Variants in COTL1 observed in about 807,000 individuals in gnomAD.
COTL1 encodes coactosin like F-actin binding protein 1.
In COTL1, 15 loss-of-function variants were observed where a neutral mutation model predicts 16.5. The observed-to-expected ratio is 0.91, with a 90% CI of 0.61 to 1.40. The LOEUF (loss-of-function observed/expected upper bound fraction) is 1.40, where lower values mean the gene tolerates loss of function less well. Ranked by LOEUF, COTL1 falls within the 40% of genes most tolerant of loss-of-function variation. COTL1 has a pLI of 0.00. For missense variants in COTL1, 220 were observed against 201.5 expected (o/e 1.09, Z -0.56); for synonymous variants, 112 against 85.3 (o/e 1.31, Z -1.73).
intron 3 of COTL1, among the ~76,000 whole-genome samples, chr16:84,589,756 G>A (rs566976826): frequency 7.2e-5 from 11 of 152,150 alleles, no homozygotes; most frequent in Non-Finnish European, 5.9e-5. Context: ...GACCACCGCC[G>A]ACAGTCAGCC....
In COTL1 at chr16:84,566,656, A is replaced by G; in HGVS notation, c.*189T>C. Reference sequence around the variant, plus strand: ...AGAAAGAGGTTCCATGAGCGTCATGAGATAGGACACGGCAGGGTTCTAAGG... The same window carrying G: ...AGAAAGAGGTTCCATGAGCGTCATGGGATAGGACACGGCAGGGTTCTAAGG... On this transcript the variant is annotated 3_prime_UTR_variant, in exon 4 of 4. Coordinates refer to ENST00000262428, the MANE Select transcript of COTL1 (RefSeq NM_021149.5). The G allele has an allele frequency of 1.8e-6, 1 of 544,620 alleles. No individual in the cohort carries two copies. The highest frequency in any genetic ancestry group is 1.9e-5 in the African/African-American group (1 of 52,612). The allele number at this position is 544,620 out of a possible 1,614,324, so 33.7% of individuals were successfully genotyped here. A position where few individuals can be genotyped will look rare whatever the true frequency, so the allele number is the denominator to read the frequency against.
In COTL1 at chr16:84,588,409, A is replaced by G. The variant is rs527597133; in HGVS notation, c.318+1696T>C. Among the ~76,000 whole-genome samples the G allele has an allele frequency of 2.2e-3, 339 of 152,314 alleles. 3 individuals are homozygous for G. Among genetic ancestry groups the G allele is most frequent in the African/African-American group, 7.6e-3 (316 of 41,560 alleles). On this transcript the variant is annotated intron_variant, in intron 3 of 3. Transcript: ENST00000262428. The stretch of plus-strand genomic sequence containing the variant: ...GAAAACGTCAACATTGGTACATTAC[A>G]ATTAATTAAACTCCCGACTTTATTT...
intron 2 of COTL1, among the ~76,000 whole-genome samples, chr16:84,602,395 CT>C (rs903663134): frequency 7.0e-5 from 10 of 142,938 alleles, no homozygotes; most frequent in Admixed American, 6.3e-4. Context: ...TCTCAAAAAA[CT>C]TTTTTTCTTT....
chr16:84,599,408 C>CA (rs1229296879), intron 2 of COTL1, among the ~76,000 whole-genome samples: 1 of 152,232 alleles, frequency 6.6e-6, no homozygotes, highest in East Asian at 1.9e-4. Context: ...ATGAGAAACA[C>CA]AAAAAAGCAA....
intron 2 of COTL1, among the ~76,000 whole-genome samples, chr16:84,609,023 C>G (rs184197525): frequency 6.7e-4 from 102 of 152,300 alleles, no homozygotes; most frequent in African/African-American, 2.3e-3. Context: ...TGCCCAAAGC[C>G]CTGTCACAGA....
At chr16:84,582,170 T>C (rs1018522740) in intron 3 of COTL1, among the ~76,000 whole-genome samples, 1 of 151,962 alleles carries the variant, frequency 6.6e-6, no homozygotes, top group Admixed American at 6.6e-5. Flanking sequence ...AATTTTTGTA[T>C]TTTTAGTAGA....
chr16:84,615,254 G>C (rs895961008), intron 2 of COTL1, among the ~76,000 whole-genome samples: 1 of 152,032 alleles, frequency 6.6e-6, no homozygotes, highest in Admixed American at 6.5e-5. Flanking sequence ...CCATTCATGA[G>C]GATCCACACA....
In COTL1 at chr16:84,591,350, A is replaced by AT. The variant is rs533073540; in HGVS notation, c.161-1089dup. ...AGGCGCCCACCACCACACCTGGCTA[A>AT]TTTTTTGTATTTTTAGTAGAGATGG... On this transcript the variant is annotated intron_variant, in intron 2 of 3. Transcript: ENST00000262428. Among the ~76,000 whole-genome samples the AT allele has an allele frequency of 4.7e-3, 709 of 151,572 alleles. 7 individuals carry two copies. The highest frequency in any genetic ancestry group is 0.017 in the African/African-American group (683 of 41,342).
intron 3 of COTL1, among the ~76,000 whole-genome samples, chr16:84,581,307 G>A (rs1904586868): frequency 1.3e-5 from 2 of 152,148 alleles, no homozygotes; most frequent in Admixed American, 6.5e-5. Flanking sequence ...CTGGCTTAAG[G>A]AAGTGTAAAC....
At chr16:84,576,940 G>A (rs1904466527) in intron 3 of COTL1, 1 of 152,246 alleles carries the variant, frequency 6.6e-6, no homozygotes, top group Non-Finnish European at 1.5e-5. Flanking sequence ...ACATGAATGT[G>A]TCTTTTCCAC....
At chr16:84,570,097 G>A (rs1796730653) in intron 3 of COTL1, among the ~76,000 whole-genome samples, 1 of 152,136 alleles carries the variant, frequency 6.6e-6, no homozygotes, top group South Asian at 2.1e-4. Flanking sequence ...CCAACACGGT[G>A]AAAACCCTAA....
rs1362260063 is a variant in COTL1 at position 84,617,769 on chromosome 16, C to T, written c.77+69G>A. 1.6e-5 allele frequency: 24 copies of T among 1,476,828 alleles called. No homozygotes were observed. The Admixed American group carries it at 4.8e-4, about 29-fold the overall frequency. 91.5% of individuals were successfully genotyped at this position (1,476,828 alleles called of 1,614,324 possible). A position where few individuals can be genotyped will look rare whatever the true frequency, so the allele number is the denominator to read the frequency against. On this transcript the variant is annotated intron_variant, in intron 1 of 3. Transcript: ENST00000262428. The stretch of plus-strand genomic sequence containing the variant: ...GGCCCGAATCCGTCCCGCCTGGAGG[C>T]CGGCTCGGTGCACGAGGCCCCGCGC...
At chr16:84,603,410 C>T (rs775835724) in intron 2 of COTL1, among the ~76,000 whole-genome samples, 2 of 152,144 alleles carry the variant, frequency 1.3e-5, no homozygotes, top group East Asian at 1.9e-4. Flanking sequence ...GCCGTGGGTA[C>T]AACACGGCGT....
chr16:84,607,086 A>C (rs1182717517), intron 2 of COTL1, among the ~76,000 whole-genome samples: 1 of 152,196 alleles, frequency 6.6e-6, no homozygotes, highest in Non-Finnish European at 1.5e-5. Flanking sequence ...ATTCCCCGCC[A>C]AGGATACCAC....
intron 2 of COTL1, among the ~76,000 whole-genome samples, chr16:84,610,283 C>G (rs1473766567): frequency 4.6e-5 from 7 of 152,214 alleles, no homozygotes; most frequent in African/African-American, 1.7e-4. Context: ...CCCACTCACA[C>G]TGGCCTGAGA....
Position 84,617,494 on chromosome 16 carries a change from T to C in COTL1, c.160+7A>G. The C allele has an allele frequency of 6.4e-7, 1 of 1,550,856 alleles. No homozygotes were observed. The highest frequency in any genetic ancestry group is 8.7e-7 in the Non-Finnish European group (1 of 1,146,932). ...CGCGCATCCGCCCGGCAGGCGCGCC[T>C]CCCTACCTGTGCACTGCTGGATGAA... On this transcript the variant is annotated splice_region_variant and intron_variant, in intron 2 of 3. Transcript: ENST00000262428.
chr16:84,598,299 A>G (rs1012672885), intron 2 of COTL1, among the ~76,000 whole-genome samples: 20 of 152,342 alleles, frequency 1.3e-4, no homozygotes, highest in Admixed American at 6.5e-4. Flanking sequence ...TCAGAAGCCA[A>G]TGATGGAGCT....
At chr16:84,581,413 G>A (rs796537741) in intron 3 of COTL1, among the ~76,000 whole-genome samples, 5 of 152,336 alleles carry the variant, frequency 3.3e-5, no homozygotes, top group African/African-American at 9.6e-5. Flanking sequence ...TGCTTTGCAA[G>A]GGGGAGCAGC....
At chr16:84,605,423 C>G (rs80328546) in intron 2 of COTL1, among the ~76,000 whole-genome samples, 14,187 of 152,282 alleles carry the variant, frequency 0.093, 743 homozygotes, top group Non-Finnish European at 0.12. Context: ...CCTAAGACAT[C>G]TATGTCCTAA....
Sources: allele counts gnomAD v4.1 joint callset (sites outside exome capture counted in the v4.1 genomes callset), GRCh38; gene constraint gnomAD v4.1.1; transcripts MANE v1.5; gene names NCBI Gene and HGNC (gene_info 2026-07-23, HGNC 2026-07-21).